Variants in EMCN observed in about 807,000 individuals in gnomAD.
EMCN encodes endomucin.
In EMCN, 37 loss-of-function variants were observed where a neutral mutation model predicts 38.4. That is an observed-to-expected ratio of 0.96 (90% confidence interval 0.74 to 1.27). The LOEUF (loss-of-function observed/expected upper bound fraction) is 1.27, where lower values mean the gene tolerates loss of function less well. Among genes scored for constraint, EMCN ranks in the 50% most tolerant of loss-of-function variants. EMCN has a pLI of 0.00. For missense variants in EMCN, 318 were observed against 302.8 expected (o/e 1.05, Z -0.37); for synonymous variants, 95 against 100.8 (o/e 0.94, Z 0.35).
chr4:100,422,222 C>T (rs780723969), intron 7 of EMCN, among the ~76,000 whole-genome samples: 12 of 152,052 alleles, frequency 7.9e-5, no homozygotes, highest in Non-Finnish European at 1.3e-4. Context: ...GTTTACACTT[C>T]CATTGTCAGA....
Position 100,421,272 on chromosome 4 carries a change from TG to T in EMCN, c.664+9del. On this transcript the variant is annotated intron_variant, in intron 8 of 11. Coordinates refer to ENST00000296420, the MANE Select transcript of EMCN (RefSeq NM_016242.4). Reference sequence around the variant, plus strand: ...CTTTCAGGAAAACAAAACAAAACACTGTTACCTACCCGGATCTGCCTTCCAG... The same window carrying T: ...CTTTCAGGAAAACAAAACAAAACACTTTACCTACCCGGATCTGCCTTCCAG... 1 of 1,610,140 alleles carries T rather than the reference TG, an allele frequency of 6.2e-7. No homozygotes were observed. The highest frequency in any genetic ancestry group is 8.5e-7 in the Non-Finnish European group (1 of 1,176,942).
chr4:100,500,167 T>C (rs2110299843), intron 1 of EMCN, among the ~76,000 whole-genome samples: 1 of 152,298 alleles, frequency 6.6e-6, no homozygotes. Flanking sequence ...TCCATGGTTT[T>C]CCTGATATTT....
rs151132920 is a variant in EMCN, at chr4:100,506,455, G to A, written c.64+11396C>T. Among the ~76,000 whole-genome samples, 479 of 152,076 alleles carry A rather than the reference G, an allele frequency of 3.1e-3. 1 individual carries two copies. Among genetic ancestry groups the A allele is most frequent in the African/African-American group, 0.011 (460 of 41,476 alleles). On this transcript the variant is annotated intron_variant, in intron 1 of 11. Coordinates refer to ENST00000296420, the MANE Select transcript of EMCN (RefSeq NM_016242.4). ...CATGCAGAGAGGTAAAAGAGGATAA[G>A]GTAGGGTTTAAATGCATATATGTTT...
chr4:100,438,763 C>A (rs146189564), intron 5 of EMCN, among the ~76,000 whole-genome samples: 8 of 151,744 alleles, frequency 5.3e-5, no homozygotes, highest in African/African-American at 1.7e-4. Context: ...TCCTTTTATG[C>A]CTAAACTGTT....
chr4:100,407,704 G>C (rs1426843921), intron 11 of EMCN, among the ~76,000 whole-genome samples: 1 of 151,978 alleles, frequency 6.6e-6, no homozygotes, highest in African/African-American at 2.4e-5. Flanking sequence ...ATGTGTCTTG[G>C]GGATGGTTGT....
chr4:100,444,992 T>G (rs913658948), intron 5 of EMCN, among the ~76,000 whole-genome samples: 7 of 152,114 alleles, frequency 4.6e-5, no homozygotes, highest in Non-Finnish European at 7.4e-5. Context: ...CTTACCTTTT[T>G]CCTGCAGAAA....
At chr4:100,437,774 T>C (rs974466162) in intron 5 of EMCN, among the ~76,000 whole-genome samples, 24 of 152,168 alleles carry the variant, frequency 1.6e-4, no homozygotes, top group Admixed American at 1.3e-4. Flanking sequence ...TGTCTGTTTT[T>C]ATGCCAGCAC....
At chr4:100,461,104 C>G (rs575265254) in intron 4 of EMCN, among the ~76,000 whole-genome samples, 1 of 152,142 alleles carries the variant, frequency 6.6e-6, no homozygotes, top group South Asian at 2.1e-4. Flanking sequence ...TTCATTCCTT[C>G]CAATCAACCA....
intron 11 of EMCN, among the ~76,000 whole-genome samples, chr4:100,404,281 T>C (rs1726336471): frequency 6.6e-6 from 1 of 152,072 alleles, no homozygotes; most frequent in Non-Finnish European, 1.5e-5. Flanking sequence ...TGGCTAGCCA[T>C]TTATCCCAGC....
At chr4:100,400,511 G>A (rs1017787853) in intron 11 of EMCN, among the ~76,000 whole-genome samples, 8 of 151,856 alleles carry the variant, frequency 5.3e-5, no homozygotes, top group Non-Finnish European at 8.8e-5. Context: ...TTTTTCTTAT[G>A]TGTGTGTCTT....
At chr4:100,441,513 T>G (rs548326912) in intron 5 of EMCN, among the ~76,000 whole-genome samples, 1 of 152,238 alleles carries the variant, frequency 6.6e-6, no homozygotes, top group African/African-American at 2.4e-5. Context: ...AGGTCATTAT[T>G]GATAGGTAAG....
intron 5 of EMCN, among the ~76,000 whole-genome samples, chr4:100,443,894 G>GA (rs955478476): frequency 6.6e-6 from 1 of 152,216 alleles, no homozygotes; most frequent in Non-Finnish European, 1.5e-5. Context: ...AGGGAGCAGA[G>GA]AATAGCTGTA....
rs1317382740 is a variant in EMCN at position 100,395,453 on chromosome 4, C to T, written c.*2960G>A. On this transcript the variant is annotated 3_prime_UTR_variant, in exon 12 of 12. Coordinates refer to ENST00000296420, the MANE Select transcript of EMCN (RefSeq NM_016242.4). ...GGATAATCCATCCATTAAGAATTCT[C>T]CATTAAGAATACTCATTATAGGTTT... The T allele has an allele frequency of 6.6e-6, 1 of 152,034 alleles. No individual in the cohort carries two copies. Among genetic ancestry groups the T allele is most frequent in the East Asian group, 1.9e-4 (1 of 5,186 alleles). 9.4% of individuals were successfully genotyped at this position (152,034 alleles called of 1,614,324 possible).
rs755592173 is a variant in EMCN at position 100,423,032 on chromosome 4, C to T, written c.557G>A (p.Arg186Gln). ...GKNASTSATS[R>Q]SYSSIILPVV... Reference sequence around the variant, plus strand: ...TTGCTGTTACTCACTGGAATAAGACCGGCTGGTTGCTGAAGTGCTTGCATT... The same window carrying T: ...TTGCTGTTACTCACTGGAATAAGACTGGCTGGTTGCTGAAGTGCTTGCATT... The change falls in exon 7 of 12, where the codon CGG becomes CAG. Residue 186 changes from arginine (R) to glutamine (Q), a missense_variant. By Grantham distance (43) the Arg-to-Gln change is conservative. Coordinates refer to ENST00000296420, the MANE Select transcript of EMCN (RefSeq NM_016242.4). The T allele has an allele frequency of 5.8e-5, 93 of 1,612,704 alleles. 1 individual carries two copies. The South Asian group carries it at 6.4e-4, about 11-fold the overall frequency.
At chr4:100,464,907 TCC>T (rs1041141455) in intron 4 of EMCN, among the ~76,000 whole-genome samples, 2 of 152,106 alleles carry the variant, frequency 1.3e-5, no homozygotes, top group Admixed American at 1.3e-4. Context: ...TGCAGTGTTT[TCC>T]CCTCCTTTAC....
chr4:100,486,494 C>G (rs183491477), intron 1 of EMCN, among the ~76,000 whole-genome samples: 6 of 152,184 alleles, frequency 3.9e-5, no homozygotes, highest in Non-Finnish European at 7.3e-5. Context: ...AGTATTGTAG[C>G]AAGCACAACA....
chr4:100,481,420 A>T (rs1195008589), intron 1 of EMCN, among the ~76,000 whole-genome samples: 1 of 152,134 alleles, frequency 6.6e-6, no homozygotes, highest in Non-Finnish European at 1.5e-5. Context: ...GATAGCACAT[A>T]GAAATTGCTT....
At chr4:100,489,973 C>G (rs1223856368) in intron 1 of EMCN, among the ~76,000 whole-genome samples, 3 of 152,032 alleles carry the variant, frequency 2.0e-5, no homozygotes, top group Non-Finnish European at 4.4e-5. Flanking sequence ...TAGAAAGCAG[C>G]CTCAGAGAGT....
At chr4:100,474,490 C>T (rs1212206065) in intron 3 of EMCN, among the ~76,000 whole-genome samples, 1 of 152,060 alleles carries the variant, frequency 6.6e-6, no homozygotes, top group Admixed American at 6.6e-5. Flanking sequence ...AGCAATTCGG[C>T]CTCAAGACAT....
Sources: gnomAD v4.1 joint callset for allele counts (sites outside exome capture counted in the v4.1 genomes callset) on GRCh38, gnomAD v4.1.1 for gene constraint, MANE v1.5 for transcripts, NCBI Gene and HGNC (gene_info 2026-07-23, HGNC 2026-07-21) for gene names.